The following HNRNPR variants were observed in gnomAD, a reference collection of about 807,000 sequenced individuals.
HNRNPR encodes heterogeneous nuclear ribonucleoprotein R.
Under a neutral mutation model 70.3 loss-of-function variants are expected in HNRNPR, and 4 were observed. That is an observed-to-expected ratio of 0.06 (90% CI 0.03 to 0.13). HNRNPR has a LOEUF of 0.13. HNRNPR is among the 10% of genes least tolerant of loss of function. The pLI is 1.00. For synonymous variants in HNRNPR, 241 were observed against 267.6 expected, an observed-to-expected ratio of 0.90 and a Z score of 0.97; for missense variants, 423 against 788.5, an observed-to-expected ratio of 0.54 and a Z score of 5.55.
chr1:23,311,379 A>G (rs1645331439), intron 9 of HNRNPR, 57 bp from the exon 10 acceptor site: 19 of 1,147,882 alleles, frequency 1.7e-5, no homozygotes, highest in Non-Finnish European at 2.4e-5. Context: ...TTTGTTTTAT[A>G]TAGTATGTAA....
intron 5 of HNRNPR, 21 bp from the exon 6 acceptor site, chr1:23,323,753 T>C (rs1194554619): frequency 6.2e-7 from 1 of 1,604,214 alleles, no homozygotes; most frequent in Non-Finnish European, 8.5e-7. Flanking sequence ...ACCCCCTTAT[T>C]AGAATCCAAC....
chr1:23,324,171 T>A (rs1414366301), intron 5 of HNRNPR, among the ~76,000 whole-genome samples: 1 of 151,546 alleles, frequency 6.6e-6, no homozygotes, highest in African/African-American at 2.4e-5. Context: ...AAAAAATTAA[T>A]TTATAAATTA....
chr1:23,340,798 AG>A (rs942860511), intron 2 of HNRNPR, 53 bp downstream of exon 2: 1 of 1,372,800 alleles, frequency 7.3e-7, no homozygotes, highest in Non-Finnish European at 1.0e-6. Context: ...TAAAATTCAA[AG>A]TGGTTTGCCC....
At position 23,305,657 on chromosome 1, in the gene HNRNPR, T is replaced by C. The variant is rs951530253; in HGVS notation, c.*4797A>G. ...CAATCTATACCTTACCATCATGGAA[T>C]CCCCTACAAACTATAAGATGAGGGA... On this transcript the variant is annotated 3_prime_UTR_variant, in exon 11 of 11. Coordinates refer to ENST00000302271, the MANE Select transcript of HNRNPR (RefSeq NM_005826.5). 2.6e-5 allele frequency: 4 copies of C among 152,306 alleles called. No homozygotes were observed. Among genetic ancestry groups the C allele is most frequent in the African/African-American group, 9.6e-5 (4 of 41,586 alleles). 9.4% of individuals were successfully genotyped at this position (152,306 alleles called of 1,614,324 possible).
intron 4 of HNRNPR, 100 bp downstream of exon 4, chr1:23,337,654 C>CAAAA: frequency 1.6e-6 from 1 of 624,038 alleles, no homozygotes; most frequent in Non-Finnish European, 2.6e-6. Context: ...GACTCCGTCT[C>CAAAA]AAAAAAAAAA....
intron 1 of HNRNPR, among the ~76,000 whole-genome samples, chr1:23,341,327 C>G (rs761092081): frequency 5.3e-5 from 8 of 152,114 alleles, no homozygotes; most frequent in Non-Finnish European, 1.0e-4. Flanking sequence ...GTGAAAAGAT[C>G]AAAATCACTA....
chr1:23,312,637 T>C (rs1361153731), intron 9 of HNRNPR, among the ~76,000 whole-genome samples: 4 of 152,160 alleles, frequency 2.6e-5, no homozygotes, highest in Non-Finnish European at 5.9e-5. Context: ...TTAGCTACCA[T>C]CAATGAGCAA....
intron 2 of HNRNPR, among the ~76,000 whole-genome samples, chr1:23,339,083 A>G (rs1646614646): frequency 6.6e-6 from 1 of 152,232 alleles, no homozygotes; most frequent in Non-Finnish European, 1.5e-5. Context: ...AAATTTTACT[A>G]AGTAATTCTT....
At chr1:23,341,831 G>C (rs992044659) in intron 1 of HNRNPR, among the ~76,000 whole-genome samples, 1 of 152,062 alleles carries the variant, frequency 6.6e-6, no homozygotes, top group African/African-American at 2.4e-5. Context: ...ACCTAATTAG[G>C]CTAAACTTCA....
At position 23,336,121 on chromosome 1, in the gene HNRNPR, A is replaced by AAAAAAAAAAAT. The variant is rs1303619906; in HGVS notation, c.384+1632_384+1633insATTTTTTTTTT. On this transcript the variant is annotated intron_variant, in intron 4 of 10. Coordinates refer to ENST00000302271, the MANE Select transcript of HNRNPR (RefSeq NM_005826.5). ...GACAGAGCGAGACTCCGTCTCAAAA[A>AAAAAAAAAAAT]AAAAAAAAAAAGTCTATCACAGGCC... Among the ~76,000 whole-genome samples the AAAAAAAAAAAT allele has an allele frequency of 8.0e-5, 11 of 137,024 alleles. 2 individuals are homozygous for AAAAAAAAAAAT. The East Asian group carries it at 1.8e-3, about 22-fold the overall frequency. The allele number at this position is 137,024 out of a possible 152,430, so 89.9% of individuals were successfully genotyped here. A position where few individuals can be genotyped will look rare whatever the true frequency, so the allele number is the denominator to read the frequency against.
intron 6 of HNRNPR, 113 bp downstream of exon 6, chr1:23,323,443 C>A: frequency 9.9e-7 from 1 of 1,014,904 alleles, no homozygotes. Flanking sequence ...AGTATAAAAA[C>A]ATTCCAAGCA....
rs1645195403 is a variant in HNRNPR at position 23,305,857 on chromosome 1, G to GT, written c.*4596dup. 6.6e-6 allele frequency: 1 copy of GT among 152,122 alleles called. No individual in the cohort carries two copies. The highest frequency in any genetic ancestry group is 2.4e-5 in the African/African-American group (1 of 41,424). 9.4% of individuals were successfully genotyped at this position (152,122 alleles called of 1,614,324 possible). On this transcript the variant is annotated 3_prime_UTR_variant, in exon 11 of 11. Transcript: ENST00000302271. ...AATTTCCTCTTGACCCAAAGTCATTGTCTCAACATATCTCTAAATTGAGGC... is the reference window on the plus strand; with the variant it reads ...AATTTCCTCTTGACCCAAAGTCATTGTTCTCAACATATCTCTAAATTGAGGC...
chr1:23,332,924 C>T (rs1646301489), intron 5 of HNRNPR, among the ~76,000 whole-genome samples: 1 of 152,142 alleles, frequency 6.6e-6, no homozygotes, highest in Non-Finnish European at 1.5e-5. Context: ...AGGCTAACGC[C>T]TGTAATCCCA....
intron 4 of HNRNPR, among the ~76,000 whole-genome samples, chr1:23,335,230 T>C (rs1225969023): frequency 1.3e-5 from 2 of 152,202 alleles, no homozygotes; most frequent in East Asian, 3.9e-4. Flanking sequence ...GTTTTTAAAA[T>C]TACACAATGT....
intron 7 of HNRNPR, 123 bp downstream of exon 7, chr1:23,321,405 C>T: frequency 1.4e-6 from 1 of 738,412 alleles, no homozygotes; most frequent in South Asian, 2.2e-5. Flanking sequence ...AGAAAGGAAG[C>T]AATTTAGATA....
chr1:23,321,417 T>G, intron 7 of HNRNPR, 111 bp downstream of exon 7: 1 of 884,972 alleles, frequency 1.1e-6, no homozygotes, highest in South Asian at 1.9e-5. Context: ...ATTTAGATAC[T>G]TCAGACCTGA....
In HNRNPR at chr1:23,320,091, G is replaced by T. The variant is rs1372498568; in HGVS notation, c.812-1403C>A. Among the ~76,000 whole-genome samples the T allele has an allele frequency of 5.9e-5, 9 of 152,122 alleles. 1 individual carries two copies. The highest frequency in any genetic ancestry group is 5.9e-4 in the Admixed American group (9 of 15,266). On this transcript the variant is annotated intron_variant, in intron 7 of 10. Coordinates refer to ENST00000302271, the MANE Select transcript of HNRNPR (RefSeq NM_005826.5). ...TCCTTTCTCAGGATATAGGATCTAT[G>T]AAAGCAGAGAATATGTCTCTTAGCC...
At chr1:23,320,169 A>G (rs1645700959) in intron 7 of HNRNPR, among the ~76,000 whole-genome samples, 1 of 152,210 alleles carries the variant, frequency 6.6e-6, no homozygotes, top group Non-Finnish European at 1.5e-5. Context: ...AGGAACTTTA[A>G]TAAACACCTG....
chr1:23,327,225 C>T (rs564466507), intron 5 of HNRNPR, among the ~76,000 whole-genome samples: 89 of 152,192 alleles, frequency 5.8e-4, no homozygotes, highest in African/African-American at 2.1e-3. Context: ...CACATGGCTC[C>T]CACCCTACTC....
Sources: gnomAD v4.1 joint callset for allele counts (sites outside exome capture counted in the v4.1 genomes callset) on GRCh38, gnomAD v4.1.1 for gene constraint, MANE v1.5 for transcripts, NCBI Gene and HGNC (gene_info 2026-07-23, HGNC 2026-07-21) for gene names.